The following GAB2 variants were observed in gnomAD, a reference collection of about 807,000 sequenced individuals.
The protein encoded by GAB2 is GRB2 associated binding protein 2.
A neutral mutation model predicts 65.5 loss-of-function variants in GAB2; 26 were observed. The observed-to-expected ratio is 0.40, with a 90% confidence interval of 0.29 to 0.55. The LOEUF is 0.55. GAB2 is among the 20% of genes least tolerant of loss of function. GAB2 has a pLI of 0.53. For missense variants in GAB2, 884 were observed against 875.8 expected, an observed-to-expected ratio of 1.01 and a Z score of -0.12; for synonymous variants, 321 against 329.6, an observed-to-expected ratio of 0.97 and a Z score of 0.28.
intron 1 of GAB2, among the ~76,000 whole-genome samples, chr11:78,401,908 T>C (rs534786594): frequency 4.6e-5 from 7 of 152,264 alleles, no homozygotes; most frequent in South Asian, 2.1e-4. Flanking sequence ...AGGACCACAA[T>C]AGAAACCTAC....
At chr11:78,297,722 C>T (rs1280163270) in intron 1 of GAB2, among the ~76,000 whole-genome samples, 1 of 152,026 alleles carries the variant, frequency 6.6e-6, no homozygotes, top group Non-Finnish European at 1.5e-5. Flanking sequence ...AATAAAATCC[C>T]TCAATAGGGG....
intron 1 of GAB2, among the ~76,000 whole-genome samples, chr11:78,370,012 C>T (rs1462870223): frequency 1.3e-5 from 2 of 152,012 alleles, no homozygotes; most frequent in Non-Finnish European, 2.9e-5. Flanking sequence ...AATCCCAGCA[C>T]TTTGGGAGGC....
intron 2 of GAB2, among the ~76,000 whole-genome samples, chr11:78,259,551 G>T (rs926482903): frequency 6.6e-6 from 1 of 152,104 alleles, no homozygotes; most frequent in Non-Finnish European, 1.5e-5. Context: ...TCATAAGCCT[G>T]AAATTATTTA....
At chr11:78,264,191 C>G (rs369049258) in intron 2 of GAB2, among the ~76,000 whole-genome samples, 3 of 152,166 alleles carry the variant, frequency 2.0e-5, no homozygotes, top group African/African-American at 4.8e-5. Context: ...TGGACTGAAT[C>G]TACTGATTAA....
chr11:78,215,839 T>C lies in GAB2; in HGVS notation c.*3433A>G, dbSNP rs935706805. On this transcript the variant is annotated 3_prime_UTR_variant, in exon 10 of 10. Coordinates refer to ENST00000361507, the MANE Select transcript of GAB2 (RefSeq NM_080491.3). Reference sequence around the variant, plus strand: ...CCCCTGCATTTTATGAAGGCCCAGATGGGGAAGGAAGAACTCTGGAAATGG... The same window carrying C: ...CCCCTGCATTTTATGAAGGCCCAGACGGGGAAGGAAGAACTCTGGAAATGG... The C allele has an allele frequency of 3.3e-5, 5 of 152,508 alleles. No homozygotes were observed. Among genetic ancestry groups the C allele is most frequent in the African/African-American group, 1.2e-4 (5 of 41,370 alleles). The allele number at this position is 152,508 out of a possible 1,614,324, so 9.4% of individuals were successfully genotyped here.
chr11:78,414,634 T>A (rs993743241), intron 1 of GAB2, among the ~76,000 whole-genome samples: 1 of 152,162 alleles, frequency 6.6e-6, no homozygotes, highest in East Asian at 1.9e-4. Context: ...TCTGCCGGCC[T>A]CCCACTGCAG....
chr11:78,317,851 T>C (rs1855642389), intron 1 of GAB2, among the ~76,000 whole-genome samples: 1 of 151,784 alleles, frequency 6.6e-6, no homozygotes, highest in Non-Finnish European at 1.5e-5. Flanking sequence ...TTGTCAACCA[T>C]TAAAAAACAA....
intron 1 of GAB2, among the ~76,000 whole-genome samples, chr11:78,291,765 T>C (rs377279392): frequency 1.3e-5 from 2 of 151,308 alleles, no homozygotes; most frequent in African/African-American, 2.4e-5. Context: ...GGAGTCTCAC[T>C]ATGCTGGCTA....
intron 1 of GAB2, among the ~76,000 whole-genome samples, chr11:78,405,151 T>G (rs1857026748): frequency 6.9e-6 from 1 of 143,952 alleles, no homozygotes; most frequent in South Asian, 2.2e-4. Flanking sequence ...CAGGCTGGAA[T>G]GCAGTGGCGC....
intron 1 of GAB2, among the ~76,000 whole-genome samples, chr11:78,390,306 G>A (rs1746031178): frequency 6.6e-6 from 1 of 152,148 alleles, no homozygotes; most frequent in African/African-American, 2.4e-5. Context: ...AACTTATACA[G>A]AGGCCTTAAA....
chr11:78,233,040 GTTTT>G (rs372693456), intron 3 of GAB2, among the ~76,000 whole-genome samples: 1 of 132,006 alleles, frequency 7.6e-6, no homozygotes, highest in South Asian at 2.4e-4. Context: ...GCACTGTTAA[GTTTT>G]TTTTTTTTTT....
chr11:78,348,902 T>C (rs1856231426), intron 1 of GAB2, among the ~76,000 whole-genome samples: 1 of 152,176 alleles, frequency 6.6e-6, no homozygotes, highest in Non-Finnish European at 1.5e-5. Context: ...CATGGACACA[T>C]CCAGAAATCA....
intron 1 of GAB2, among the ~76,000 whole-genome samples, chr11:78,297,469 G>C (rs1219803880): frequency 6.6e-6 from 1 of 152,044 alleles, no homozygotes; most frequent in Non-Finnish European, 1.5e-5. Context: ...GCAATACTGG[G>C]TGTGAGGGAG....
intron 3 of GAB2, among the ~76,000 whole-genome samples, chr11:78,237,394 G>A (rs1451581257): frequency 1.3e-5 from 2 of 152,186 alleles, no homozygotes; most frequent in African/African-American, 2.4e-5. Flanking sequence ...AAACATGGAT[G>A]AATCCCAAAA....
chr11:78,351,436 G>C (rs960819345), intron 1 of GAB2, among the ~76,000 whole-genome samples: 1 of 152,122 alleles, frequency 6.6e-6, no homozygotes, highest in African/African-American at 2.4e-5. Context: ...GTGGCCCTGG[G>C]TCTTTGTTTA....
At chr11:78,362,953 G>T (rs1355626664) in intron 1 of GAB2, among the ~76,000 whole-genome samples, 4 of 152,124 alleles carry the variant, frequency 2.6e-5, no homozygotes, top group African/African-American at 7.2e-5. Flanking sequence ...TAGTAATATG[G>T]CCTCGAAATA....
At chr11:78,380,493 T>C (rs1856684377) in intron 1 of GAB2, among the ~76,000 whole-genome samples, 1 of 152,168 alleles carries the variant, frequency 6.6e-6, no homozygotes, top group African/African-American at 2.4e-5. Context: ...AATGAGAACA[T>C]TTCTAAGGCC....
chr11:78,230,229 C>A (rs1864801389), intron 3 of GAB2, among the ~76,000 whole-genome samples: 1 of 152,234 alleles, frequency 6.6e-6, no homozygotes, highest in Admixed American at 6.5e-5. Flanking sequence ...CAGATCAAAG[C>A]CCTTCCTCTG....
chr11:78,409,469 A>G (rs2135095288), intron 1 of GAB2, among the ~76,000 whole-genome samples: 1 of 152,314 alleles, frequency 6.6e-6, no homozygotes, highest in South Asian at 2.1e-4. Context: ...CTGTAATCCC[A>G]ACTACTTGGG....
Sources: gnomAD v4.1 joint callset for allele counts (sites outside exome capture counted in the v4.1 genomes callset) on GRCh38, gnomAD v4.1.1 for gene constraint, MANE v1.5 for transcripts, NCBI Gene and HGNC (gene_info 2026-07-23, HGNC 2026-07-21) for gene names.